The following PIP5K1B variants were observed in gnomAD, a reference collection of about 807,000 sequenced individuals.
PIP5K1B encodes phosphatidylinositol-4-phosphate 5-kinase type 1 beta, also known as phosphatidylinositol 4-phosphate 5-kinase type-1 beta.
Under a neutral mutation model 67.0 loss-of-function variants are expected in PIP5K1B, and 42 were observed. The ratio of observed to expected loss-of-function variants is 0.63; its 90% CI spans 0.49 to 0.81. The LOEUF (loss-of-function observed/expected upper bound fraction) is 0.81, where lower values mean the gene tolerates loss of function less well. PIP5K1B is among the 30% of genes least tolerant of loss of function. The probability of loss-of-function intolerance (pLI) is 0.00; values close to 1 mark genes in which losing one functional copy is unlikely to be tolerated. For missense variants in PIP5K1B, 459 were observed against 646.3 expected (o/e 0.71, Z 3.14); for synonymous variants, 214 against 231.4 (o/e 0.92, Z 0.68).
At chr9:68,820,059 A>T (rs532148206) in intron 3 of PIP5K1B, among the ~76,000 whole-genome samples, 1 of 152,232 alleles carries the variant, frequency 6.6e-6, no homozygotes, top group Admixed American at 6.5e-5. Context: ...TTAACCTCTC[A>T]TTAAGGTTGT....
chr9:68,909,698 T>C (rs1825767978), intron 8 of PIP5K1B, among the ~76,000 whole-genome samples: 1 of 152,222 alleles, frequency 6.6e-6, no homozygotes, highest in African/African-American at 2.4e-5. Context: ...TTTCTGTAAA[T>C]GGATTGTAGG....
chr9:68,791,221 A>G (rs1172396197), intron 2 of PIP5K1B, among the ~76,000 whole-genome samples: 1 of 152,230 alleles, frequency 6.6e-6, no homozygotes, highest in East Asian at 1.9e-4. Flanking sequence ...GGATTCGGCA[A>G]TCCATCTCCC....
At chr9:68,984,837 G>A (rs553739318) in intron 14 of PIP5K1B, among the ~76,000 whole-genome samples, 16 of 152,276 alleles carry the variant, frequency 1.1e-4, no homozygotes, top group African/African-American at 1.4e-4. Flanking sequence ...GCACATTTGC[G>A]TACACTACTT....
intron 2 of PIP5K1B, among the ~76,000 whole-genome samples, chr9:68,775,076 A>T (rs1165542692): frequency 6.6e-6 from 1 of 152,142 alleles, no homozygotes; most frequent in East Asian, 1.9e-4. Flanking sequence ...ATTTCAGGGG[A>T]TCCCTTGCTG....
At chr9:68,744,091 T>G (rs1184022662) in intron 2 of PIP5K1B, among the ~76,000 whole-genome samples, 1 of 152,156 alleles carries the variant, frequency 6.6e-6, no homozygotes, top group African/African-American at 2.4e-5. Context: ...GAACCACTGA[T>G]GTATGCAGGA....
At chr9:68,807,492 C>T (rs1390180954) in intron 2 of PIP5K1B, among the ~76,000 whole-genome samples, 1 of 152,184 alleles carries the variant, frequency 6.6e-6, no homozygotes, top group Non-Finnish European at 1.5e-5. Flanking sequence ...TTTCAGACTT[C>T]CCCACAGGCA....
At chr9:68,732,915 T>G (rs1325958421) in intron 1 of PIP5K1B, among the ~76,000 whole-genome samples, 4 of 82,516 alleles carry the variant, frequency 4.8e-5, no homozygotes, top group South Asian at 3.9e-4. Flanking sequence ...TGGAGGTGGG[T>G]TGGGGGGGGG....
At chr9:68,858,253 C>T (rs574499437) in intron 4 of PIP5K1B, among the ~76,000 whole-genome samples, 25 of 152,232 alleles carry the variant, frequency 1.6e-4, no homozygotes, top group South Asian at 4.1e-4. Context: ...GGATTACAGG[C>T]GTGAGCCACT....
At chr9:68,740,033 T>G (rs2132313302) in intron 1 of PIP5K1B, 1 of 152,528 alleles carries the variant, frequency 6.6e-6, no homozygotes, top group Non-Finnish European at 1.5e-5. Context: ...GGCCATTCCT[T>G]CCTGCTACTG....
At chr9:68,865,490 C>T (rs1823312297) in intron 5 of PIP5K1B, among the ~76,000 whole-genome samples, 1 of 152,080 alleles carries the variant, frequency 6.6e-6, no homozygotes, top group East Asian at 1.9e-4. Context: ...TGTTCTTTGG[C>T]TACAAAGAAC....
chr9:68,778,953 C>T (rs2132447082), intron 2 of PIP5K1B, among the ~76,000 whole-genome samples: 1 of 152,282 alleles, frequency 6.6e-6, no homozygotes, highest in Non-Finnish European at 1.5e-5. Context: ...ATTTAGATCT[C>T]AACTCTAATT....
intron 14 of PIP5K1B, among the ~76,000 whole-genome samples, chr9:68,980,946 A>T (rs1829857522): frequency 6.6e-6 from 1 of 152,258 alleles, no homozygotes; most frequent in Non-Finnish European, 1.5e-5. Flanking sequence ...CTGAACCCAG[A>T]GAGGGAAATA....
chr9:68,868,348 G>T (rs945302901), intron 5 of PIP5K1B, among the ~76,000 whole-genome samples: 1 of 152,106 alleles, frequency 6.6e-6, no homozygotes, highest in Admixed American at 6.6e-5. Flanking sequence ...TGTGAATCAA[G>T]CATAGTTTTA....
Position 68,997,513 on chromosome 9 carries a change from C to T in PIP5K1B, c.1620+6256C>T, listed in dbSNP as rs186807143. ...CAGAGTAGGAAGGAGAAAAGACAAA[C>T]ACTGCGTTTGGTGTAGAAGGCATTT... On this transcript the variant is annotated intron_variant, in intron 15 of 15. Transcript: ENST00000265382. 1.1e-3 allele frequency among the ~76,000 whole-genome samples: 161 copies of T among 152,330 alleles called. 1 individual carries two copies. The highest frequency in any genetic ancestry group is 5.6e-4 in the Non-Finnish European group (38 of 68,032).
At chr9:68,780,132 A>C in intron 2 of PIP5K1B, 3 of 1,506,070 alleles carry the variant, frequency 2.0e-6, no homozygotes, top group Non-Finnish European at 2.6e-6. Flanking sequence ...TAGGTCCCTG[A>C]CTGAGCACCT....
At chr9:68,787,521 C>T (rs1165939846) in intron 2 of PIP5K1B, among the ~76,000 whole-genome samples, 2 of 152,162 alleles carry the variant, frequency 1.3e-5, no homozygotes, top group African/African-American at 2.4e-5. Context: ...AAAGATGTCT[C>T]GTAACTCTTC....
chr9:68,928,138 C>A (rs142694765), intron 12 of PIP5K1B, among the ~76,000 whole-genome samples: 71 of 152,142 alleles, frequency 4.7e-4, no homozygotes, highest in African/African-American at 1.6e-3. Flanking sequence ...TCTTGACTCT[C>A]ACATCTGTTC....
intron 1 of PIP5K1B, among the ~76,000 whole-genome samples, chr9:68,714,418 T>A (rs988287141): frequency 3.3e-5 from 5 of 152,226 alleles, no homozygotes; most frequent in African/African-American, 1.2e-4. Flanking sequence ...CTGCTTCTCA[T>A]CATTTGTGCG....
At chr9:69,008,216 G>A (rs1171478794) in intron 15 of PIP5K1B, among the ~76,000 whole-genome samples, 1 of 152,196 alleles carries the variant, frequency 6.6e-6, no homozygotes, top group African/African-American at 2.4e-5. Flanking sequence ...ACAGTGCTGT[G>A]ATGTAGTCAG....
Sources: allele counts gnomAD v4.1 joint callset (sites outside exome capture counted in the v4.1 genomes callset), GRCh38; gene constraint gnomAD v4.1.1; transcripts MANE v1.5; gene names NCBI Gene and HGNC (gene_info 2026-07-23, HGNC 2026-07-21).